Variants in KIAA1958 observed in about 807,000 individuals in gnomAD.
The protein encoded by KIAA1958 is uncharacterized protein KIAA1958.
In KIAA1958, 14 loss-of-function variants were observed where a neutral mutation model predicts 47.2. The ratio of observed to expected loss-of-function variants is 0.30; its 90% CI spans 0.20 to 0.46. The LOEUF is 0.46. Among genes scored for constraint, KIAA1958 ranks in the 20% least tolerant of loss-of-function variants. The probability of loss-of-function intolerance (pLI) is 1.00; values close to 1 mark genes in which losing one functional copy is unlikely to be tolerated. For missense variants in KIAA1958, 803 were observed against 909.2 expected (o/e 0.88, Z 1.50); for synonymous variants, 354 against 353.3 (o/e 1.00, Z -0.02).
chr9:112,574,699 A>G lies in KIAA1958; in HGVS notation c.619A>G (p.Ile207Val). ...DVIIKKIKQE[I>V]PEDYYIVANA... ...CATCATCAAGAAAATCAAACAAGAA[A>G]TCCCCGAAGATTATTACATTGTGGC... The change falls in exon 2 of 4, where the codon ATC (isoleucine) becomes GTC (valine). Residue 207 changes from isoleucine to valine, a missense_variant. Physicochemically the swap from Ile to Val is conservative, Grantham distance 29 (BLOSUM62 3). Coordinates refer to ENST00000337530, the MANE Select transcript of KIAA1958 (RefSeq NM_133465.4). The G allele has an allele frequency of 6.2e-7, 1 of 1,614,144 alleles. No homozygotes were observed. The highest frequency in any genetic ancestry group is 8.5e-7 in the Non-Finnish European group (1 of 1,180,030).
intron 1 of KIAA1958, among the ~76,000 whole-genome samples, chr9:112,530,036 G>T (rs10981435): frequency 6.6e-6 from 1 of 151,796 alleles, no homozygotes; most frequent in African/African-American, 2.4e-5. Context: ...GTGGAGACAG[G>T]GTTTCACCGT....
intron 2 of KIAA1958, 84 bp downstream of exon 2, chr9:112,575,335 A>C: frequency 1.1e-6 from 1 of 904,638 alleles, no homozygotes; most frequent in East Asian, 2.6e-5. Context: ...CCATTCACTC[A>C]GTTTGCTAGA....
At chr9:112,492,028 T>C (rs1056115947) in intron 1 of KIAA1958, among the ~76,000 whole-genome samples, 2 of 152,242 alleles carry the variant, frequency 1.3e-5, no homozygotes, top group African/African-American at 4.8e-5. Context: ...TCTATCCTTT[T>C]TTCTGTTATA....
intron 2 of KIAA1958, among the ~76,000 whole-genome samples, chr9:112,621,088 AG>A (rs758148121): frequency 5.9e-5 from 9 of 152,288 alleles, no homozygotes; most frequent in East Asian, 1.9e-4. Context: ...TCTCAGTACC[AG>A]CTCATCATTA....
intron 2 of KIAA1958, among the ~76,000 whole-genome samples, chr9:112,578,846 ATC>A (rs989487375): frequency 7.9e-5 from 12 of 151,994 alleles, no homozygotes; most frequent in African/African-American, 2.2e-4. Flanking sequence ...TGACATTTAA[ATC>A]TCTATCGCAT....
chr9:112,634,907 C>T (rs1588048647), intron 2 of KIAA1958, among the ~76,000 whole-genome samples: 1 of 152,112 alleles, frequency 6.6e-6, no homozygotes, highest in Non-Finnish European at 1.5e-5. Context: ...GTGTTTCCTT[C>T]CTTCCTTTAT....
At chr9:112,569,583 C>T (rs1835496174) in intron 1 of KIAA1958, among the ~76,000 whole-genome samples, 1 of 151,824 alleles carries the variant, frequency 6.6e-6, no homozygotes, top group South Asian at 2.1e-4. Flanking sequence ...ATGGGAAACA[C>T]AAACTTTATT....
At chr9:112,555,886 C>G (rs758065594) in intron 1 of KIAA1958, among the ~76,000 whole-genome samples, 2 of 149,482 alleles carry the variant, frequency 1.3e-5, no homozygotes, top group African/African-American at 4.8e-5. Context: ...ACCAGCCTGG[C>G]CAACATGGTA....
chr9:112,653,738 A>G (rs556670343), intron 3 of KIAA1958, among the ~76,000 whole-genome samples: 90 of 152,264 alleles, frequency 5.9e-4, no homozygotes, highest in African/African-American at 2.0e-3. Flanking sequence ...CGTCTCTACT[A>G]AAAATATAAC....
At chr9:112,516,789 A>G (rs1834443931) in intron 1 of KIAA1958, among the ~76,000 whole-genome samples, 1 of 152,238 alleles carries the variant, frequency 6.6e-6, no homozygotes, top group African/African-American at 2.4e-5. Context: ...ATTTAACAGA[A>G]TTTAATTGAT....
intron 1 of KIAA1958, among the ~76,000 whole-genome samples, chr9:112,494,499 G>GTTTTTTTTT (rs1207541860): frequency 6.7e-6 from 1 of 148,446 alleles, no homozygotes; most frequent in Non-Finnish European, 1.5e-5. Context: ...TTTTTTGACA[G>GTTTTTTTTT]TCTCTGTCAC....
In KIAA1958 at chr9:112,668,151, G is replaced by A. The variant is rs1013394342; in HGVS notation, c.*8082G>A. 1.0e-5 allele frequency: 1 copy of A among 99,352 alleles called. No individual in the cohort carries two copies. The highest frequency in any genetic ancestry group is 9.7e-5 in the Admixed American group (1 of 10,282). 6.2% of individuals were successfully genotyped at this position (99,352 alleles called of 1,614,324 possible). ...AGTCCACTGCTTCCAAGTGAGAAAAGCCAAGGAGTCCCCTGCGTTGGGGGT... is the reference window on the plus strand; with the variant it reads ...AGTCCACTGCTTCCAAGTGAGAAAAACCAAGGAGTCCCCTGCGTTGGGGGT... On this transcript the variant is annotated 3_prime_UTR_variant, in exon 4 of 4. Coordinates refer to ENST00000337530, the MANE Select transcript of KIAA1958 (RefSeq NM_133465.4).
intron 1 of KIAA1958, among the ~76,000 whole-genome samples, chr9:112,500,182 A>G (rs1834110807): frequency 6.6e-6 from 1 of 151,558 alleles, no homozygotes; most frequent in African/African-American, 2.4e-5. Flanking sequence ...GCTCACTGCA[A>G]CCTTCACCTC....
At chr9:112,565,711 G>A (rs1588020277) in intron 1 of KIAA1958, among the ~76,000 whole-genome samples, 1 of 152,058 alleles carries the variant, frequency 6.6e-6, no homozygotes, top group Admixed American at 6.6e-5. Context: ...ATATTTAATT[G>A]CCTTAATATA....
At chr9:112,617,588 C>T (rs1836428870) in intron 2 of KIAA1958, among the ~76,000 whole-genome samples, 1 of 152,154 alleles carries the variant, frequency 6.6e-6, no homozygotes, top group Non-Finnish European at 1.5e-5. Flanking sequence ...TGTCTCTAAT[C>T]TCTCTCTTTC....
At chr9:112,548,666 G>C (rs1328320645) in intron 1 of KIAA1958, among the ~76,000 whole-genome samples, 3 of 152,094 alleles carry the variant, frequency 2.0e-5, no homozygotes, top group Non-Finnish European at 4.4e-5. Flanking sequence ...TTGACTCTTT[G>C]GTGCCTTGGC....
intron 2 of KIAA1958, among the ~76,000 whole-genome samples, chr9:112,612,432 A>G (rs1468953534): frequency 6.6e-6 from 1 of 152,122 alleles, no homozygotes; most frequent in East Asian, 1.9e-4. Context: ...GTAATGAATT[A>G]AGACTAAATA....
chr9:112,573,445 T>G (rs1423752041), intron 1 of KIAA1958, among the ~76,000 whole-genome samples: 2 of 152,190 alleles, frequency 1.3e-5, no homozygotes, highest in Non-Finnish European at 2.9e-5. Flanking sequence ...CTGTTCTCCC[T>G]TCTCTGCTTT....
intron 1 of KIAA1958, among the ~76,000 whole-genome samples, chr9:112,552,759 G>A (rs1373866801): frequency 1.3e-5 from 2 of 152,170 alleles, no homozygotes; most frequent in African/African-American, 4.8e-5. Context: ...AGCTCAGGAA[G>A]CGAGAGGGAG....
Sources: allele counts gnomAD v4.1 joint callset (sites outside exome capture counted in the v4.1 genomes callset), GRCh38; gene constraint gnomAD v4.1.1; transcripts MANE v1.5; gene names NCBI Gene and HGNC (gene_info 2026-07-23, HGNC 2026-07-21).